AGBL4: variants seen among roughly 807,000 people sequenced by gnomAD.
AGBL4 encodes AGBL carboxypeptidase 4.
Under a neutral mutation model 66.4 loss-of-function variants are expected in AGBL4, and 58 were observed. The ratio of observed to expected loss-of-function variants is 0.87; its 90% confidence interval spans 0.71 to 1.09. The LOEUF is 1.09. AGBL4 is among the 50% of genes least tolerant of loss of function. AGBL4 has a pLI of 0.00. For missense variants in AGBL4, 579 were observed against 631.0 expected (o/e 0.92, Z 0.88); for synonymous variants, 234 against 222.9 (o/e 1.05, Z -0.44).
intron 3 of AGBL4, among the ~76,000 whole-genome samples, chr1:49,616,133 C>T (rs1237306346): frequency 2.6e-5 from 4 of 152,098 alleles, no homozygotes; most frequent in African/African-American, 9.7e-5. Context: ...GGCATTGTGT[C>T]ATATACTTCA....
intron 4 of AGBL4, among the ~76,000 whole-genome samples, chr1:49,061,943 A>C (rs1644409912): frequency 2.0e-5 from 3 of 152,182 alleles, no homozygotes; most frequent in South Asian, 2.1e-4. Context: ...GGCCACGGAC[A>C]GGCCACACAG....
intron 6 of AGBL4, among the ~76,000 whole-genome samples, chr1:48,776,108 T>A (rs1645066290): frequency 6.6e-6 from 1 of 152,090 alleles, no homozygotes; most frequent in Non-Finnish European, 1.5e-5. Context: ...GACTCCCACC[T>A]AGAAGATCTG....
chr1:49,873,633 C>T (rs1646893768), intron 1 of AGBL4, among the ~76,000 whole-genome samples: 1 of 151,990 alleles, frequency 6.6e-6, no homozygotes, highest in Admixed American at 6.6e-5. Flanking sequence ...TATTCTCCTA[C>T]CTGCTCCTTT....
chr1:49,065,461 C>T (rs1009997714), intron 4 of AGBL4, among the ~76,000 whole-genome samples: 11 of 152,246 alleles, frequency 7.2e-5, no homozygotes, highest in African/African-American at 2.6e-4. Flanking sequence ...ACAATGTTTC[C>T]AAAGTAACTG....
At chr1:49,085,181 T>C (rs1449152935) in intron 4 of AGBL4, among the ~76,000 whole-genome samples, 1 of 152,132 alleles carries the variant, frequency 6.6e-6, no homozygotes, top group Non-Finnish European at 1.5e-5. Flanking sequence ...TTGCTGTCTC[T>C]GCCTGAGCTG....
chr1:49,989,983 C>CA (rs1469941714), intron 1 of AGBL4, among the ~76,000 whole-genome samples: 1 of 151,948 alleles, frequency 6.6e-6, no homozygotes, highest in African/African-American at 2.4e-5. Context: ...AGGGTAAACA[C>CA]AAAAAATACT....
intron 2 of AGBL4, among the ~76,000 whole-genome samples, chr1:49,797,100 T>C (rs59569235): frequency 0.022 from 3,294 of 152,296 alleles, 108 homozygotes; most frequent in African/African-American, 0.074. Context: ...AATCTGCCAT[T>C]TAATCTCCAG....
chr1:49,693,784 T>C (rs1646932625), intron 3 of AGBL4, among the ~76,000 whole-genome samples: 2 of 152,282 alleles, frequency 1.3e-5, no homozygotes, highest in African/African-American at 4.8e-5. Flanking sequence ...TCTTATTGGC[T>C]GAACTTTTAG....
chr1:49,568,599 T>C (rs969048324), intron 3 of AGBL4, among the ~76,000 whole-genome samples: 1 of 151,368 alleles, frequency 6.6e-6, no homozygotes, highest in African/African-American at 2.4e-5. Context: ...ATAAATTCAA[T>C]GCTATCCCTA....
intron 3 of AGBL4, among the ~76,000 whole-genome samples, chr1:49,296,301 G>T (rs1274434112): frequency 6.6e-6 from 1 of 152,168 alleles, no homozygotes; most frequent in Non-Finnish European, 1.5e-5. Flanking sequence ...TTGTAGAGGT[G>T]GAACTAGGAT....
At chr1:49,080,853 T>C (rs1215489503) in intron 4 of AGBL4, among the ~76,000 whole-genome samples, 2 of 152,016 alleles carry the variant, frequency 1.3e-5, no homozygotes, top group African/African-American at 4.8e-5. Flanking sequence ...AATTATGTGG[T>C]TTTTCATATC....
intron 3 of AGBL4, chr1:49,691,329 A>G (rs1446136393): frequency 6.5e-6 from 1 of 152,672 alleles, no homozygotes; most frequent in Non-Finnish European, 1.5e-5. Flanking sequence ...GAAGTGCACT[A>G]TCTTCCTCAA....
chr1:48,856,810 T>C (rs1377987646), intron 6 of AGBL4, among the ~76,000 whole-genome samples: 1 of 152,166 alleles, frequency 6.6e-6, no homozygotes, highest in Non-Finnish European at 1.5e-5. Flanking sequence ...AGGAAATCAA[T>C]TGTATCTTCA....
chr1:48,539,513 A>G (rs1017179929), intron 12 of AGBL4, 129 bp downstream of exon 12: 52 of 646,610 alleles, frequency 8.0e-5, no homozygotes, highest in Non-Finnish European at 1.2e-4. Flanking sequence ...TCTCGGTGGC[A>G]GGGCCAGGAT....
chr1:49,876,978 G>A (rs373149493), intron 1 of AGBL4, among the ~76,000 whole-genome samples: 2 of 151,444 alleles, frequency 1.3e-5, no homozygotes, highest in Admixed American at 6.6e-5. Flanking sequence ...TTGGTGTATA[G>A]GAATGCTTGT....
intron 3 of AGBL4, among the ~76,000 whole-genome samples, chr1:49,534,611 A>G (rs1041067437): frequency 2.6e-5 from 4 of 152,238 alleles, no homozygotes; most frequent in African/African-American, 9.6e-5. Context: ...TCAATAAAAA[A>G]GAATGACCTT....
At chr1:48,599,037 A>AAAC (rs1288105695) in intron 9 of AGBL4, among the ~76,000 whole-genome samples, 1 of 151,946 alleles carries the variant, frequency 6.6e-6, no homozygotes, top group Non-Finnish European at 1.5e-5. Flanking sequence ...GCACAAACAC[A>AAAC]AACATGAGCC....
chr1:48,982,575 C>T (rs1191625502), intron 5 of AGBL4, among the ~76,000 whole-genome samples: 2 of 152,068 alleles, frequency 1.3e-5, no homozygotes, highest in African/African-American at 4.8e-5. Context: ...TGTATATGTG[C>T]CACATTTTCT....
At chr1:49,457,678 A>T (rs2148692418) in intron 3 of AGBL4, among the ~76,000 whole-genome samples, 1 of 151,722 alleles carries the variant, frequency 6.6e-6, no homozygotes, top group East Asian at 1.9e-4. Flanking sequence ...ATCTTCCAAA[A>T]TTTTTATAGT....
Sources: allele counts gnomAD v4.1 joint callset (sites outside exome capture counted in the v4.1 genomes callset), GRCh38; gene constraint gnomAD v4.1.1; transcripts MANE v1.5; gene names NCBI Gene and HGNC (gene_info 2026-07-23, HGNC 2026-07-21).